The following MAN2A1 variants were observed in gnomAD, a reference collection of about 807,000 sequenced individuals.
The protein encoded by MAN2A1 is alpha-mannosidase 2.
Under a neutral mutation model 142.6 loss-of-function variants are expected in MAN2A1, and 76 were observed. That is an observed-to-expected ratio of 0.53 (90% CI 0.44 to 0.65). The LOEUF is 0.65. Among genes scored for constraint, MAN2A1 ranks in the 30% least tolerant of loss-of-function variants. MAN2A1 has a pLI of 0.00. For synonymous variants in MAN2A1, 559 were observed against 473.2 expected, an observed-to-expected ratio of 1.18 and a Z score of -2.35; for missense variants, 1,311 against 1,365.1, an observed-to-expected ratio of 0.96 and a Z score of 0.62.
At chr5:109,755,873 T>A (rs928535492) in intron 5 of MAN2A1, among the ~76,000 whole-genome samples, 4 of 152,132 alleles carry the variant, frequency 2.6e-5, no homozygotes, top group Admixed American at 1.3e-4. Flanking sequence ...TCCAGGGGAC[T>A]TAAATTATGT....
intron 4 of MAN2A1, among the ~76,000 whole-genome samples, chr5:109,741,991 C>A (rs1752280769): frequency 1.3e-5 from 2 of 152,102 alleles, no homozygotes; most frequent in Non-Finnish European, 2.9e-5. Context: ...ACTTTTTAGG[C>A]TTCACATTTG....
chr5:109,810,663 T>C (rs1337427776), intron 12 of MAN2A1, among the ~76,000 whole-genome samples: 2 of 152,262 alleles, frequency 1.3e-5, no homozygotes, highest in Admixed American at 6.5e-5. Context: ...AGGTTTTGCA[T>C]GGAACTCACA....
intron 10 of MAN2A1, among the ~76,000 whole-genome samples, chr5:109,787,713 T>C (rs1031572589): frequency 6.6e-6 from 1 of 151,952 alleles, no homozygotes; most frequent in Admixed American, 6.6e-5. Context: ...ACTTTCACTC[T>C]GCAGATTCAG....
At chr5:109,755,201 A>G in intron 4 of MAN2A1, 128 bp from the exon 5 acceptor site, 2 of 692,764 alleles carry the variant, frequency 2.9e-6, no homozygotes, top group Non-Finnish European at 4.8e-6. Flanking sequence ...GTTTAAACAC[A>G]TTTTTTGACA....
chr5:109,733,916 G>A (rs1320999450), intron 4 of MAN2A1, among the ~76,000 whole-genome samples: 2 of 151,936 alleles, frequency 1.3e-5, no homozygotes, highest in Non-Finnish European at 2.9e-5. Context: ...TCTATTGATT[G>A]GAATAGTTTC....
At chr5:109,852,634 G>A (rs920242660) in intron 19 of MAN2A1, among the ~76,000 whole-genome samples, 1 of 152,170 alleles carries the variant, frequency 6.6e-6, no homozygotes, top group Non-Finnish European at 1.5e-5. Context: ...CAGACAGGCT[G>A]CAGAGAGAAA....
intron 14 of MAN2A1, 95 bp from the exon 15 acceptor site, chr5:109,820,125 A>T: frequency 8.8e-7 from 1 of 1,135,162 alleles, no homozygotes. Flanking sequence ...AAGTACAGAA[A>T]TTATTTTTTT....
At chr5:109,862,240 C>G (rs1755776476) in intron 20 of MAN2A1, 1 of 152,190 alleles carries the variant, frequency 6.6e-6, no homozygotes, top group Non-Finnish European at 1.5e-5. Flanking sequence ...ATCCAGCTTT[C>G]TCTAAGCCCA....
chr5:109,845,882 A>G lies in MAN2A1; in HGVS notation c.2718A>G (p.Thr906=), dbSNP rs371912240. The G allele has an allele frequency of 1.9e-6, 3 of 1,613,294 alleles. No homozygotes were observed. In the African/African-American group the frequency reaches 4.0e-5, roughly 22 times the overall value. ...LNGYQIQPRM[T]LSKLPLQANV... The stretch of plus-strand genomic sequence containing the variant: ...TTTTATAGATTCAACCTAGAATGAC[A>G]CTGAGCAAATTGCCTCTTCAAGCAA... Residue 906 remains threonine, a synonymous_variant, in exon 18 of 22, where the codon ACA becomes ACG. Transcript: ENST00000261483.
At chr5:109,731,677 C>A (rs1300774635) in intron 4 of MAN2A1, among the ~76,000 whole-genome samples, 3 of 151,898 alleles carry the variant, frequency 2.0e-5, no homozygotes, top group Non-Finnish European at 2.9e-5. Context: ...CATGTCCCTA[C>A]AAAGGACATG....
At chr5:109,691,873 G>C (rs1036157722) in intron 1 of MAN2A1, among the ~76,000 whole-genome samples, 1 of 152,322 alleles carries the variant, frequency 6.6e-6, no homozygotes, top group South Asian at 2.1e-4. Context: ...AGTGCTTCTT[G>C]ATGAGGTTGA....
chr5:109,735,745 A>G (rs942695849), intron 4 of MAN2A1, among the ~76,000 whole-genome samples: 1 of 152,132 alleles, frequency 6.6e-6, no homozygotes, highest in Admixed American at 6.5e-5. Flanking sequence ...AATTTTGCCA[A>G]AGTGCTTTGT....
At chr5:109,826,010 A>G (rs1048723682) in intron 16 of MAN2A1, among the ~76,000 whole-genome samples, 1 of 140,150 alleles carries the variant, frequency 7.1e-6, no homozygotes, top group Non-Finnish European at 1.5e-5. Context: ...TGGTTCAAGG[A>G]TTCTCCTGCC....
At chr5:109,859,206 CTG>C (rs1755695800) in intron 20 of MAN2A1, among the ~76,000 whole-genome samples, 1 of 152,152 alleles carries the variant, frequency 6.6e-6, no homozygotes, top group Non-Finnish European at 1.5e-5. Context: ...AATCTCAGTG[CTG>C]TGTGTGGCCT....
chr5:109,702,301 A>G (rs915227045), intron 1 of MAN2A1, among the ~76,000 whole-genome samples: 3 of 147,212 alleles, frequency 2.0e-5, no homozygotes, highest in African/African-American at 7.7e-5. Flanking sequence ...TTCTGGGTTA[A>G]GACAGAACAT....
intron 16 of MAN2A1, among the ~76,000 whole-genome samples, chr5:109,841,754 C>G (rs1755211305): frequency 6.6e-6 from 1 of 152,222 alleles, no homozygotes; most frequent in African/African-American, 2.4e-5. Context: ...ATTGATTTAA[C>G]TTCTGGAGAG....
intron 1 of MAN2A1, among the ~76,000 whole-genome samples, chr5:109,698,721 T>C (rs1321722850): frequency 1.3e-5 from 2 of 152,230 alleles, no homozygotes; most frequent in African/African-American, 2.4e-5. Flanking sequence ...GTGCACTTCA[T>C]TGGCTTCAGT....
intron 12 of MAN2A1, among the ~76,000 whole-genome samples, chr5:109,813,654 T>TGC (rs952640626): frequency 3.9e-5 from 6 of 152,376 alleles, no homozygotes; most frequent in Middle Eastern, 3.4e-3. Flanking sequence ...GAAGCCTGTG[T>TGC]GCTCCCAGTC....
At chr5:109,791,002 A>G (rs1200558371) in intron 12 of MAN2A1, among the ~76,000 whole-genome samples, 1 of 152,122 alleles carries the variant, frequency 6.6e-6, no homozygotes, top group Non-Finnish European at 1.5e-5. Flanking sequence ...TAGGAAATGT[A>G]GTATATTAAT....
Sources: allele counts gnomAD v4.1 joint callset (sites outside exome capture counted in the v4.1 genomes callset), GRCh38; gene constraint gnomAD v4.1.1; transcripts MANE v1.5; gene names NCBI Gene and HGNC (gene_info 2026-07-23, HGNC 2026-07-21).